Variants in OR2L5 observed in about 807,000 individuals in gnomAD.
OR2L5 encodes olfactory receptor family 2 subfamily L member 5.
For missense variants in OR2L5, 413 were observed against 381.6 expected, an observed-to-expected ratio of 1.08 and a Z score of -0.69; for synonymous variants, 169 against 142.0, an observed-to-expected ratio of 1.19 and a Z score of -1.35.
intron 1 of OR2L5, among the ~76,000 whole-genome samples, chr1:248,016,164 AAATC>A (rs1662192783): frequency 6.6e-6 from 1 of 152,208 alleles, no homozygotes; most frequent in Non-Finnish European, 1.5e-5. Context: ...GGATAGGAAA[AAATC>A]TATGCAATTT....
At chr1:248,015,165 A>G (rs1164757336) in intron 1 of OR2L5, among the ~76,000 whole-genome samples, 1 of 152,204 alleles carries the variant, frequency 6.6e-6, no homozygotes, top group East Asian at 1.9e-4. Context: ...TGGTTCTCCA[A>G]ATTCATACCC....
intron 1 of OR2L5, among the ~76,000 whole-genome samples, chr1:248,017,991 T>C (rs1027081368): frequency 6.6e-6 from 1 of 151,744 alleles, no homozygotes; most frequent in African/African-American, 2.4e-5. Flanking sequence ...AAAGTATATG[T>C]ATATATAAAA....
At position 248,024,265 on chromosome 1, in the gene OR2L5, T is replaced by C. The variant is rs561002653; in HGVS notation, c.*1379T>C. On this transcript the variant is annotated 3_prime_UTR_variant, in exon 2 of 2. Transcript: ENST00000355281. Reference sequence around the variant, plus strand: ...TAAAATCCCAATGTAGAAAATTTTATATCTGATTTGAAAAAACACTGTAGG... The same window carrying C: ...TAAAATCCCAATGTAGAAAATTTTACATCTGATTTGAAAAAACACTGTAGG... 15 of 152,314 alleles carry C rather than the reference T, an allele frequency of 9.8e-5. 1 individual carries two copies. The South Asian group carries it at 3.1e-3, about 32-fold the overall frequency. The allele number at this position is 152,314 out of a possible 1,614,324, so 9.4% of individuals were successfully genotyped here.
chr1:248,014,387 T>C (rs1028110075), intron 1 of OR2L5, among the ~76,000 whole-genome samples: 5 of 152,182 alleles, frequency 3.3e-5, no homozygotes, highest in African/African-American at 1.2e-4. Flanking sequence ...ATATGATTAG[T>C]AGCTATGCTA....
chr1:248,016,569 G>C (rs905981818), intron 1 of OR2L5, among the ~76,000 whole-genome samples: 2 of 151,966 alleles, frequency 1.3e-5, no homozygotes, highest in Admixed American at 1.3e-4. Context: ...CATCTATAAT[G>C]ATTATGTATT....
chr1:248,024,051 T>G lies in OR2L5; in HGVS notation c.*1165T>G, dbSNP rs1662415129. ...TTTGTTATTAATTTTATTTGTTTATTTTGTTTATTTTTTATGGGGGTTCTG... is the reference window on the plus strand; with the variant it reads ...TTTGTTATTAATTTTATTTGTTTATGTTGTTTATTTTTTATGGGGGTTCTG... On this transcript the variant is annotated 3_prime_UTR_variant, in exon 2 of 2. Coordinates refer to ENST00000355281, the MANE Select transcript of OR2L5 (RefSeq NM_001258284.2). 6.6e-6 allele frequency: 1 copy of G among 152,108 alleles called. No homozygotes were observed. Among genetic ancestry groups the G allele is most frequent in the South Asian group, 2.1e-4 (1 of 4,828 alleles). 9.4% of individuals were successfully genotyped at this position (152,108 alleles called of 1,614,324 possible).
At chr1:248,017,747 C>T (rs1662232993) in intron 1 of OR2L5, among the ~76,000 whole-genome samples, 1 of 152,124 alleles carries the variant, frequency 6.6e-6, no homozygotes, top group Non-Finnish European at 1.5e-5. Context: ...TAAATTGAGA[C>T]AGTCTCCTAG....
Position 248,022,902 on chromosome 1 carries a change from T to TA in OR2L5, c.*17dup, listed in dbSNP as rs1331489423. 1.2e-5 allele frequency: 19 copies of TA among 1,586,234 alleles called. No homozygotes were observed. Among genetic ancestry groups the TA allele is most frequent in the Non-Finnish European group, 1.6e-5 (19 of 1,167,220 alleles). Reference sequence around the variant, plus strand: ...GAAAATGTAGACATACGTTCTGTGTTAGAGTCAAAGCGCTAGGTTCATATC... The same window carrying TA: ...GAAAATGTAGACATACGTTCTGTGTTAAGAGTCAAAGCGCTAGGTTCATATC... On this transcript the variant is annotated 3_prime_UTR_variant, in exon 2 of 2. Coordinates refer to ENST00000355281, the MANE Select transcript of OR2L5 (RefSeq NM_001258284.2).
In OR2L5 at chr1:248,022,154, C is replaced by T; in HGVS notation, c.207C>T (p.Asp69=). The T allele has an allele frequency of 6.2e-7, 1 of 1,613,904 alleles. No individual in the cohort carries two copies. The highest frequency in any genetic ancestry group is 8.5e-7 in the Non-Finnish European group (1 of 1,179,858). Residue 69 remains aspartate, a synonymous_variant, in exon 2 of 2, where the codon GAC becomes GAT. Coordinates refer to ENST00000355281, the MANE Select transcript of OR2L5 (RefSeq NM_001258284.2). ...YFLLSQLSLI[D]LNYISTIVPK... ...TGCTTAGTCAGCTCTCCCTCATTGA[C>T]CTAAATTACATCTCTACGATTGTTC... is the stretch of plus-strand genomic sequence containing the variant.
chr1:248,022,479 T>A lies in OR2L5; in HGVS notation c.532T>A (p.Cys178Ser). The A allele has an allele frequency of 1.2e-6, 2 of 1,614,226 alleles. No homozygotes were observed. Among genetic ancestry groups the A allele is most frequent in the Non-Finnish European group, 1.7e-6 (2 of 1,180,038 alleles). Residue 178 changes from cysteine to serine, a missense_variant, in exon 2 of 2, where the codon TGT (cysteine) becomes AGT (serine). Coordinates refer to ENST00000355281, the MANE Select transcript of OR2L5 (RefSeq NM_001258284.2). ...GTCCAGAGCCATCAATCATTTTTTCTGTGATGTTCCAGCTATGTTGACATT... is the reference window on the plus strand; with the variant it reads ...GTCCAGAGCCATCAATCATTTTTTCAGTGATGTTCCAGCTATGTTGACATT... ...CKSRAINHFF[C>S]DVPAMLTLAC...
At position 248,022,139 on chromosome 1, in the gene OR2L5, G is replaced by C. The variant is rs777220169; in HGVS notation, c.192G>C (p.Gln64His). The C allele has an allele frequency of 1.9e-6, 3 of 1,613,892 alleles. No homozygotes were observed. The highest frequency in any genetic ancestry group is 2.5e-6 in the Non-Finnish European group (3 of 1,179,858). ...LHTPMYFLLS[Q>H]LSLIDLNYIS... ...CACCCATGTATTTCCTGCTTAGTCA[G>C]CTCTCCCTCATTGACCTAAATTACA... The change falls in exon 2 of 2, where the codon CAG becomes CAC. Residue 64 changes from glutamine to histidine, a missense_variant. Gln to His is a conservative substitution (Grantham distance 24). Coordinates refer to ENST00000355281, the MANE Select transcript of OR2L5 (RefSeq NM_001258284.2).
intron 1 of OR2L5, among the ~76,000 whole-genome samples, chr1:248,017,373 T>C (rs1250682073): frequency 1.3e-5 from 2 of 152,188 alleles, no homozygotes; most frequent in Non-Finnish European, 2.9e-5. Context: ...ATTTAAATAA[T>C]GTTATATGGT....
intron 1 of OR2L5, among the ~76,000 whole-genome samples, chr1:248,019,223 C>A (rs144392980): frequency 2.0e-5 from 3 of 151,972 alleles, no homozygotes; most frequent in African/African-American, 7.3e-5. Flanking sequence ...TCCAGAAATA[C>A]AATATTTTGA....
chr1:248,016,818 T>C (rs1301419310), intron 1 of OR2L5, among the ~76,000 whole-genome samples: 1 of 152,120 alleles, frequency 6.6e-6, no homozygotes, highest in African/African-American at 2.4e-5. Context: ...AATATAGGCA[T>C]ATGTGTGTTT....
Position 248,022,025 on chromosome 1 carries a change from C to A in OR2L5, c.78C>A (p.Leu26=). Residue 26 remains leucine (L), a synonymous_variant, in exon 2 of 2, where the codon CTC becomes CTA. Coordinates refer to ENST00000355281, the MANE Select transcript of OR2L5 (RefSeq NM_001258284.2). ...LFPPSKIGLF[L]FILFVLIFLM... is the part of the protein sequence containing the mutation. ...CACCATCAAAAATTGGCCTTTTCCT[C>A]TTCATTCTCTTTGTTCTCATTTTCC... The A allele has an allele frequency of 6.2e-7, 1 of 1,613,944 alleles. No individual in the cohort carries two copies. The highest frequency in any genetic ancestry group is 8.5e-7 in the Non-Finnish European group (1 of 1,179,898).
rs1396092154 is a variant in OR2L5 at position 248,023,858 on chromosome 1, A to G, written c.*972A>G. The G allele has an allele frequency of 1.3e-5, 2 of 152,196 alleles. No homozygotes were observed. The highest frequency in any genetic ancestry group is 2.9e-5 in the Non-Finnish European group (2 of 68,034). 9.4% of individuals were successfully genotyped at this position (152,196 alleles called of 1,614,324 possible). A position where few individuals can be genotyped will look rare whatever the true frequency, so the allele number is the denominator to read the frequency against. On this transcript the variant is annotated 3_prime_UTR_variant, in exon 2 of 2. Transcript: ENST00000355281. Reference sequence around the variant, plus strand: ...TGAACAAGTAAGAGAAAAGCCCTGCATTATACAACTTTCCATAATGTAACA... The same window carrying G: ...TGAACAAGTAAGAGAAAAGCCCTGCGTTATACAACTTTCCATAATGTAACA...
At position 248,022,874 on chromosome 1, in the gene OR2L5, G is replaced by A. The variant is rs528003385; in HGVS notation, c.927G>A (p.Ser309=). The change falls in exon 2 of 2, where the codon TCG becomes TCA. Residue 309 remains serine (S), a synonymous_variant. Transcript: ENST00000355281. ...CACGAGTGATTCAGAATATCTTCTC[G>A]GTGAAAATGTAGACATACGTTCTGT... ...ALTRVIQNIF[S]VKM is the part of the protein sequence containing the mutation. The A allele has an allele frequency of 1.6e-4, 259 of 1,606,212 alleles. No individual in the cohort carries two copies. Among genetic ancestry groups the A allele is most frequent in the Admixed American group, 4.3e-4 (25 of 58,726 alleles).
rs980366822 is a variant in OR2L5 at position 248,016,688 on chromosome 1, A to AT, written c.-22+2957dup. ...AATATTTGGATAAACTAGACCACACATTTTTTTAAACGTGTATATAAATGT... is the reference window on the plus strand; with the variant it reads ...AATATTTGGATAAACTAGACCACACATTTTTTTTAAACGTGTATATAAATGT... On this transcript the variant is annotated intron_variant, in intron 1 of 1. Coordinates refer to ENST00000355281, the MANE Select transcript of OR2L5 (RefSeq NM_001258284.2). Among the ~76,000 whole-genome samples, 144 of 151,914 alleles carry AT rather than the reference A, an allele frequency of 9.5e-4. 3 individuals carry two copies. Among genetic ancestry groups the AT allele is most frequent in the Non-Finnish European group, 2.6e-4 (18 of 67,950 alleles).
chr1:248,018,876 C>A (rs1662270482), intron 1 of OR2L5, among the ~76,000 whole-genome samples: 1 of 152,176 alleles, frequency 6.6e-6, no homozygotes, highest in Non-Finnish European at 1.5e-5. Context: ...ACTCTGGATA[C>A]TTCATGTAGG....
Sources: gnomAD v4.1 joint callset for allele counts (sites outside exome capture counted in the v4.1 genomes callset) on GRCh38, gnomAD v4.1.1 for gene constraint, MANE v1.5 for transcripts, NCBI Gene and HGNC (gene_info 2026-07-23, HGNC 2026-07-21) for gene names.